The following CTSB variants were observed in gnomAD, a reference collection of about 807,000 sequenced individuals.
CTSB encodes APP secretase.
CTSB carries 57 observed loss-of-function variants against 44.3 expected under a neutral mutation model. The ratio of observed to expected loss-of-function variants is 1.29; its 90% CI spans 1.04 to 1.60. The LOEUF is 1.60. Among genes scored for constraint, CTSB ranks in the 40% most tolerant of loss-of-function variants. CTSB has a pLI of 0.00. For synonymous variants in CTSB, 320 were observed against 168.0 expected (o/e 1.91, Z -7.00); for missense variants, 768 against 443.0 (o/e 1.73, Z -6.59).
At chr8:11,849,494 G>A in intron 4 of CTSB, 2 of 194,468 alleles carry the variant, frequency 1.0e-5, no homozygotes, top group Non-Finnish European at 1.1e-5. Context: ...AGCAAGAGAA[G>A]CACCCCCGTG....
In CTSB at chr8:11,860,173, C is replaced by A. The variant is rs1353302178; in HGVS notation, c.-25-6694G>T. 7.9e-5 allele frequency among the ~76,000 whole-genome samples: 12 copies of A among 152,326 alleles called. No individual in the cohort carries two copies. The East Asian group carries it at 2.3e-3, about 29-fold the overall frequency. On this transcript the variant is annotated intron_variant, in intron 1 of 9. Transcript: ENST00000353047. Reference sequence around the variant, plus strand: ...AGGATTTAAGGAGACAGGATATGTACACTTAAAATTTCCAAATAAGCCAAG... The same window carrying A: ...AGGATTTAAGGAGACAGGATATGTAAACTTAAAATTTCCAAATAAGCCAAG...
At chr8:11,848,028 A>G (rs1473523530) in intron 6 of CTSB, 39 bp downstream of exon 6, 2 of 1,518,766 alleles carry the variant, frequency 1.3e-6, no homozygotes, top group South Asian at 1.2e-5. Flanking sequence ...TGCTCAAACA[A>G]TCCATCTGGC....
chr8:11,852,333 T>C (rs991895723), intron 3 of CTSB, among the ~76,000 whole-genome samples: 6 of 152,052 alleles, frequency 3.9e-5, no homozygotes, highest in Admixed American at 1.3e-4. Flanking sequence ...ATCGTGCCAC[T>C]GCACTCCAGC....
chr8:11,863,541 C>T (rs540709359), intron 1 of CTSB, among the ~76,000 whole-genome samples: 1 of 152,156 alleles, frequency 6.6e-6, no homozygotes, highest in African/African-American at 2.4e-5. Flanking sequence ...CCCATTTATG[C>T]CAGAGGTTGC....
At position 11,844,940 on chromosome 8, in the gene CTSB, T is replaced by A. The variant is rs1803350; in HGVS notation, c.*185A>T. 1.7e-6 allele frequency: 1 copy of A among 603,054 alleles called. No homozygotes were observed. The highest frequency in any genetic ancestry group is 3.0e-6 in the Non-Finnish European group (1 of 336,668). 37.4% of individuals were successfully genotyped at this position (603,054 alleles called of 1,614,324 possible). A position where few individuals can be genotyped will look rare whatever the true frequency, so the allele number is the denominator to read the frequency against. ...TGGCAGCGGTGGCTCACATGGCCTGTCTGCACTGTAACCACAGGCTGGGAT... is the reference window on the plus strand; with the variant it reads ...TGGCAGCGGTGGCTCACATGGCCTGACTGCACTGTAACCACAGGCTGGGAT... On this transcript the variant is annotated 3_prime_UTR_variant, in exon 10 of 10. Transcript: ENST00000353047.
rs1286872038 is a variant in CTSB, at chr8:11,848,116, G to C, written c.483C>G (p.Phe161Leu). 6.2e-7 allele frequency: 1 copy of C among 1,614,212 alleles called. No homozygotes were observed. Among genetic ancestry groups the C allele is most frequent in the Non-Finnish European group, 8.5e-7 (1 of 1,180,034 alleles). Residue 161 changes from phenylalanine (F) to leucine (L), a missense_variant, in exon 6 of 10, where the codon TTC becomes TTG. Phe to Leu is a conservative substitution (Grantham distance 22, BLOSUM62 0). Coordinates refer to ENST00000353047, the MANE Select transcript of CTSB (RefSeq NM_001908.5). ...CAGAAACCAGGCCTTTTCTTGTCCA[G>C]AAGTTCCAAGCTTCAGCAGGATAGC... is the stretch of plus-strand genomic sequence containing the variant. Reference protein sequence around the residue: ...NGGYPAEAWNFWTRKGLVSGG... With the variant: ...NGGYPAEAWNLWTRKGLVSGG...
chr8:11,848,667 C>G (rs1304630629), intron 5 of CTSB: 1 of 306,256 alleles, frequency 3.3e-6, no homozygotes, highest in African/African-American at 2.1e-5. Flanking sequence ...AAGTTCTGTG[C>G]CACCACCTTG....
rs749392493 is a variant in CTSB, at chr8:11,848,085, G to T, written c.514C>A (p.Leu172Ile). Reference sequence around the variant, plus strand: ...CACTTACCTACATGGGATTCATAGAGGCCACCAGAAACCAGGCCTTTTCTT... The same window carrying T: ...CACTTACCTACATGGGATTCATAGATGCCACCAGAAACCAGGCCTTTTCTT... ...WTRKGLVSGG[L>I]YESHVGCRPY... Residue 172 changes from leucine to isoleucine, a missense_variant, in exon 6 of 10, where the codon CTC becomes ATC. Physicochemically the swap from Leu to Ile is conservative, Grantham distance 5. Transcript: ENST00000353047. The T allele has an allele frequency of 6.2e-7, 1 of 1,613,704 alleles. No homozygotes were observed. The highest frequency in any genetic ancestry group is 1.7e-5 in the Admixed American group (1 of 59,990).
chr8:11,850,850 G>GCCAGCAGGGCCTTAC lies in CTSB; in HGVS notation c.327+1_327+15dup. On this transcript the variant is annotated intron_variant, in intron 4 of 9. Transcript: ENST00000353047. Reference sequence around the variant, plus strand: ...CTTTCTCTCCAGCGCTTCCCCGCCAGCCAGCAGGGCCTTACCCAGCAGGAG... The same window carrying GCCAGCAGGGCCTTAC: ...CTTTCTCTCCAGCGCTTCCCCGCCAGCCAGCAGGGCCTTACCCAGCAGGGCCTTACCCAGCAGGAG... The GCCAGCAGGGCCTTAC allele has an allele frequency of 6.3e-7, 1 of 1,585,160 alleles. No homozygotes were observed. The highest frequency in any genetic ancestry group is 8.7e-7 in the Non-Finnish European group (1 of 1,155,618).
chr8:11,845,863 C>A lies in CTSB; in HGVS notation c.794-74G>T, dbSNP rs1038445345. The A allele has an allele frequency of 8.8e-6, 13 of 1,481,690 alleles. No individual in the cohort carries two copies. The Admixed American group carries it at 2.6e-4, about 30-fold the overall frequency. The allele number at this position is 1,481,690 out of a possible 1,614,324, so 91.8% of individuals were successfully genotyped here. A position where few individuals can be genotyped will look rare whatever the true frequency, so the allele number is the denominator to read the frequency against. On this transcript the variant is annotated intron_variant, in intron 8 of 9. Coordinates refer to ENST00000353047, the MANE Select transcript of CTSB (RefSeq NM_001908.5). Reference sequence around the variant, plus strand: ...GCCCCACAGCACCCCCCACACTCAGCTGGTCATGCTCCGGGAAGGAGAAAC... The same window carrying A: ...GCCCCACAGCACCCCCCACACTCAGATGGTCATGCTCCGGGAAGGAGAAAC...
At position 11,853,446 on chromosome 8, in the gene CTSB, C is replaced by G; in HGVS notation, c.9G>C (p.Gln3His). The G allele has an allele frequency of 1.2e-6, 2 of 1,611,714 alleles. No homozygotes were observed. Among genetic ancestry groups the G allele is most frequent in the Non-Finnish European group, 1.7e-6 (2 of 1,179,520 alleles). MW[Q>H]LWASLCCLLV... ...GCAGGCAGCAGAGGGAGGCCCAGAG[C>G]TGCCACATGTTGGAAGCCGGATCCT... is the stretch of plus-strand genomic sequence containing the variant. The change falls in exon 2 of 10, where the codon CAG becomes CAC. Residue 3 changes from glutamine (Q) to histidine (H), a missense_variant. Gln to His is a conservative substitution (Grantham distance 24). Coordinates refer to ENST00000353047, the MANE Select transcript of CTSB (RefSeq NM_001908.5).
intron 7 of CTSB, among the ~76,000 whole-genome samples, chr8:11,847,425 A>C (rs540226999): frequency 6.8e-4 from 103 of 152,298 alleles, no homozygotes; most frequent in African/African-American, 2.4e-3. Context: ...ACTCCAGGAC[A>C]CGCCACTCCC....
chr8:11,855,265 C>A (rs1815320571), intron 1 of CTSB, among the ~76,000 whole-genome samples: 1 of 152,096 alleles, frequency 6.6e-6, no homozygotes, highest in African/African-American at 2.4e-5. Flanking sequence ...CGTGATCCAC[C>A]TGACTCAGCC....
chr8:11,847,232 T>C, intron 7 of CTSB, 64 bp from the exon 8 acceptor site: 6 of 1,011,254 alleles, frequency 5.9e-6, no homozygotes, highest in African/African-American at 1.6e-5. Flanking sequence ...CACGCCACGG[T>C]CAGCCAGTCA....
chr8:11,845,932 G>A (rs1029991992), intron 8 of CTSB, 143 bp from the exon 9 acceptor site: 2 of 932,644 alleles, frequency 2.1e-6, no homozygotes, highest in African/African-American at 1.7e-5. Context: ...GGCTCCAGGG[G>A]GGGTCCCACA....
At position 11,845,013 on chromosome 8, in the gene CTSB, A is replaced by G. The variant is rs1032531243; in HGVS notation, c.*112T>C. The G allele has an allele frequency of 2.3e-5, 17 of 734,474 alleles. No individual in the cohort carries two copies. Among genetic ancestry groups the G allele is most frequent in the South Asian group, 1.9e-4 (12 of 61,782 alleles). 45.5% of individuals were successfully genotyped at this position (734,474 alleles called of 1,614,324 possible). On this transcript the variant is annotated 3_prime_UTR_variant, in exon 10 of 10. Coordinates refer to ENST00000353047, the MANE Select transcript of CTSB (RefSeq NM_001908.5). ...GGAAGACAGGTCTGATGTTTGGCCAATCCAGTCCTTCAGACCCTGTCTGAA... is the reference window on the plus strand; with the variant it reads ...GGAAGACAGGTCTGATGTTTGGCCAGTCCAGTCCTTCAGACCCTGTCTGAA...
intron 3 of CTSB, among the ~76,000 whole-genome samples, chr8:11,851,334 C>T (rs1814568933): frequency 6.6e-6 from 1 of 151,992 alleles, no homozygotes; most frequent in East Asian, 1.9e-4. Context: ...GGATTACAGG[C>T]ATGCACCACC....
intron 4 of CTSB, chr8:11,850,143 G>A (rs959202003): frequency 3.3e-5 from 5 of 152,086 alleles, no homozygotes; most frequent in Admixed American, 2.0e-4. Flanking sequence ...AATAGTTGCT[G>A]GGCACGGTGG....
intron 4 of CTSB, among the ~76,000 whole-genome samples, chr8:11,850,338 G>C (rs1220963558): frequency 7.2e-6 from 1 of 138,678 alleles, no homozygotes. Context: ...AGAATTGCTT[G>C]AACCCAGGAG....
Sources: gnomAD v4.1 joint callset for allele counts (sites outside exome capture counted in the v4.1 genomes callset) on GRCh38, gnomAD v4.1.1 for gene constraint, MANE v1.5 for transcripts, NCBI Gene and HGNC (gene_info 2026-07-23, HGNC 2026-07-21) for gene names.